The following NRXN3 variants were observed in gnomAD, a reference collection of about 807,000 sequenced individuals.
The protein encoded by NRXN3 is neurexin III.
Under a neutral mutation model 137.6 loss-of-function variants are expected in NRXN3, and 32 were observed. The ratio of observed to expected loss-of-function variants is 0.23; its 90% CI spans 0.18 to 0.31. NRXN3 has a LOEUF of 0.31. Ranked by LOEUF, NRXN3 falls within the 10% of genes least tolerant of loss-of-function variation. The pLI is 1.00. For synonymous variants in NRXN3, 798 were observed against 784.5 expected (o/e 1.02, Z -0.29); for missense variants, 1,574 against 2,062.5 (o/e 0.76, Z 4.59).
intron 15 of NRXN3, among the ~76,000 whole-genome samples, chr14:79,461,420 A>G (rs1372849178): frequency 1.3e-5 from 2 of 152,236 alleles, no homozygotes; most frequent in Non-Finnish European, 2.9e-5. Flanking sequence ...AAATCATTTA[A>G]TTCTATGGCA....
At chr14:78,256,296 A>G (rs942588447) in intron 2 of NRXN3, among the ~76,000 whole-genome samples, 1 of 152,214 alleles carries the variant, frequency 6.6e-6, no homozygotes, top group African/African-American at 2.4e-5. Context: ...AAGTGCTGCC[A>G]TGCAAAGGAG....
At chr14:79,165,135 G>T (rs911974003) in intron 15 of NRXN3, among the ~76,000 whole-genome samples, 1 of 151,992 alleles carries the variant, frequency 6.6e-6, no homozygotes. Flanking sequence ...TTATTGCCTA[G>T]TAAGAGATGG....
chr14:79,104,191 G>A (rs1181284410), intron 15 of NRXN3, among the ~76,000 whole-genome samples: 1 of 152,108 alleles, frequency 6.6e-6, no homozygotes, highest in Non-Finnish European at 1.5e-5. Flanking sequence ...TGAGTATTTA[G>A]TTTTCTGTCT....
chr14:78,977,913 G>A (rs1040682835), intron 14 of NRXN3, among the ~76,000 whole-genome samples: 4 of 152,038 alleles, frequency 2.6e-5, no homozygotes, highest in Non-Finnish European at 4.4e-5. Flanking sequence ...CCTTTTCCTG[G>A]GGTGCTGGTT....
chr14:79,604,015 G>A (rs1427068075), intron 16 of NRXN3, among the ~76,000 whole-genome samples: 1 of 152,010 alleles, frequency 6.6e-6, no homozygotes, highest in Non-Finnish European at 1.5e-5. Flanking sequence ...AGCCTCCCGA[G>A]TGGCTGGAAT....
At chr14:78,589,747 C>G (rs2152396408) in intron 4 of NRXN3, among the ~76,000 whole-genome samples, 1 of 152,250 alleles carries the variant, frequency 6.6e-6, no homozygotes, top group South Asian at 2.1e-4. Flanking sequence ...GTCTTCCCCA[C>G]CTAGACTGAG....
At chr14:78,374,495 G>A (rs934173497) in intron 4 of NRXN3, among the ~76,000 whole-genome samples, 2 of 152,050 alleles carry the variant, frequency 1.3e-5, no homozygotes, top group African/African-American at 2.4e-5. Flanking sequence ...TGGTGAATAC[G>A]TTACAGGTGG....
At chr14:78,219,284 A>C (rs1285187694) in intron 1 of NRXN3, among the ~76,000 whole-genome samples, 2 of 152,158 alleles carry the variant, frequency 1.3e-5, no homozygotes, top group African/African-American at 2.4e-5. Context: ...CCCAATGTTA[A>C]ATTTAAAGTT....
At position 78,926,737 on chromosome 14, in the gene NRXN3, AT is replaced by A. The variant is rs1300538393; in HGVS notation, c.2276-30504del. Reference sequence around the variant, plus strand: ...ATTATATAATTATATATAATATAAAATATATATTATATATTATATATATATT... The same window carrying A: ...ATTATATAATTATATATAATATAAAAATATATTATATATTATATATATATT... On this transcript the variant is annotated intron_variant, in intron 10 of 20. Transcript: ENST00000335750. Among the ~76,000 whole-genome samples the A allele has an allele frequency of 7.9e-3, 520 of 65,736 alleles. 42 individuals carry two copies. In the East Asian group the frequency reaches 0.091, roughly 12 times the overall value. 43.1% of individuals were successfully genotyped at this position (65,736 alleles called of 152,430 possible).
intron 15 of NRXN3, among the ~76,000 whole-genome samples, chr14:79,329,453 T>A (rs894365454): frequency 6.6e-6 from 1 of 152,198 alleles, no homozygotes; most frequent in Non-Finnish European, 1.5e-5. Context: ...TGTGTGACTC[T>A]ACTGGCTGCA....
intron 15 of NRXN3, among the ~76,000 whole-genome samples, chr14:79,374,977 A>G (rs2094218445): frequency 6.6e-6 from 1 of 152,200 alleles, no homozygotes; most frequent in Non-Finnish European, 1.5e-5. Flanking sequence ...TCCACAGGAT[A>G]CATGTATCAA....
chr14:79,840,221 T>G (rs1379959315), intron 20 of NRXN3, among the ~76,000 whole-genome samples: 1 of 152,186 alleles, frequency 6.6e-6, no homozygotes, highest in African/African-American at 2.4e-5. Flanking sequence ...CATAATGAAG[T>G]TATTTAGAGT....
At chr14:79,455,506 A>G (rs1567174471) in intron 15 of NRXN3, among the ~76,000 whole-genome samples, 1 of 152,138 alleles carries the variant, frequency 6.6e-6, no homozygotes, top group Non-Finnish European at 1.5e-5. Context: ...AATCACCTAG[A>G]TCTGTATTTT....
intron 10 of NRXN3, among the ~76,000 whole-genome samples, chr14:78,884,065 C>T (rs1392932662): frequency 2.6e-5 from 4 of 152,070 alleles, no homozygotes; most frequent in South Asian, 4.1e-4. Context: ...AAAATAAAAA[C>T]TCCATTTAGT....
At chr14:78,282,310 G>C (rs2074514744) in intron 3 of NRXN3, 1 of 389,918 alleles carries the variant, frequency 2.6e-6, no homozygotes, top group African/African-American at 2.1e-5. Flanking sequence ...GAAGAGGGAA[G>C]AGTAGTGGGT....
At chr14:79,397,643 T>G (rs1245745501) in intron 15 of NRXN3, among the ~76,000 whole-genome samples, 2 of 152,190 alleles carry the variant, frequency 1.3e-5, no homozygotes, top group Non-Finnish European at 2.9e-5. Context: ...CTTGTTTAAT[T>G]TGAGGAGGAG....
At chr14:79,714,697 T>C (rs1239807168) in intron 19 of NRXN3, among the ~76,000 whole-genome samples, 1 of 152,068 alleles carries the variant, frequency 6.6e-6, no homozygotes, top group African/African-American at 2.4e-5. Context: ...AAAAAGGAAA[T>C]TAAAGTGTGA....
intron 10 of NRXN3, among the ~76,000 whole-genome samples, chr14:78,902,676 T>G (rs1363053126): frequency 6.6e-6 from 1 of 151,940 alleles, no homozygotes; most frequent in Non-Finnish European, 1.5e-5. Flanking sequence ...AGGATGAAAT[T>G]TAATACTTTA....
intron 15 of NRXN3, among the ~76,000 whole-genome samples, chr14:79,021,534 C>G (rs1246140181): frequency 2.0e-5 from 3 of 152,130 alleles, no homozygotes; most frequent in Admixed American, 6.6e-5. Flanking sequence ...TTGGAGAGTG[C>G]CAGGCACTTC....
Sources: allele counts gnomAD v4.1 joint callset (sites outside exome capture counted in the v4.1 genomes callset), GRCh38; gene constraint gnomAD v4.1.1; transcripts MANE v1.5; gene names NCBI Gene and HGNC (gene_info 2026-07-23, HGNC 2026-07-21).